The following INO80 variants were observed in gnomAD, a reference collection of about 807,000 sequenced individuals.
The protein encoded by INO80 is chromatin-remodeling ATPase INO80.
In INO80, 20 loss-of-function variants were observed where a neutral mutation model predicts 203.4. The ratio of observed to expected loss-of-function variants is 0.10; its 90% CI spans 0.07 to 0.14. The LOEUF (loss-of-function observed/expected upper bound fraction) is 0.14, where lower values mean the gene tolerates loss of function less well. INO80 is among the 10% of genes least tolerant of loss of function. The probability of loss-of-function intolerance (pLI) is 1.00; values close to 1 mark genes in which losing one functional copy is unlikely to be tolerated. For missense variants in INO80, 1,419 were observed against 1,914.4 expected, an observed-to-expected ratio of 0.74 and a Z score of 4.83; for synonymous variants, 726 against 685.2, an observed-to-expected ratio of 1.06 and a Z score of -0.93.
At chr15:40,998,267 C>A (rs376077525) in intron 28 of INO80, among the ~76,000 whole-genome samples, 3 of 151,920 alleles carry the variant, frequency 2.0e-5, no homozygotes, top group African/African-American at 7.3e-5. Flanking sequence ...GTGATCCGCC[C>A]GCCTCGGCCT....
rs565393591 is a variant in INO80, at chr15:41,017,053, G to A, written c.3275-838C>T. 61 of 151,892 alleles carry A rather than the reference G, an allele frequency of 4.0e-4. 1 individual carries two copies. In the South Asian group the frequency reaches 0.012, roughly 30 times the overall value. 9.4% of individuals were successfully genotyped at this position (151,892 alleles called of 1,614,324 possible). ...ACTGCAAATAGGTTGACTGGTAAAT[G>A]TCGTTAACCCTAGTTGTATGTTAAT... On this transcript the variant is annotated intron_variant, in intron 26 of 35. Transcript: ENST00000648947.
chr15:41,092,340 A>G (rs1343938781), intron 4 of INO80, among the ~76,000 whole-genome samples, 158 bp from the exon 5 acceptor site: 1 of 152,284 alleles, frequency 6.6e-6, no homozygotes, highest in Admixed American at 6.5e-5. Context: ...ACTGAAAAAC[A>G]TTAAGAATAC....
intron 27 of INO80, among the ~76,000 whole-genome samples, chr15:41,012,147 C>G (rs2044141307): frequency 6.6e-6 from 1 of 152,206 alleles, no homozygotes; most frequent in Non-Finnish European, 1.5e-5. Context: ...TACTAGAATA[C>G]AGAGAAGAGT....
chr15:41,056,510 A>G, intron 17 of INO80, 112 bp downstream of exon 17: 4 of 793,996 alleles, frequency 5.0e-6, no homozygotes, highest in South Asian at 3.9e-5. Context: ...TGTGGGGACT[A>G]TAATTTATAC....
intron 16 of INO80, among the ~76,000 whole-genome samples, chr15:41,058,237 A>T (rs1230358409): frequency 1.3e-5 from 2 of 152,178 alleles, no homozygotes; most frequent in Non-Finnish European, 2.9e-5. Context: ...TTGAACAGGG[A>T]GATAAAAGTT....
intron 1 of INO80, among the ~76,000 whole-genome samples, chr15:41,101,610 C>T (rs1052272015): frequency 6.7e-6 from 1 of 149,866 alleles, no homozygotes; most frequent in Non-Finnish European, 1.5e-5. Flanking sequence ...AGTGCAGTGG[C>T]GAGATCTCTG....
intron 27 of INO80, 98 bp downstream of exon 27, chr15:41,015,990 G>A: frequency 1.1e-6 from 1 of 895,292 alleles, no homozygotes; most frequent in Non-Finnish European, 1.7e-6. Flanking sequence ...AGGGAGTTTT[G>A]GGGCTCCCAT....
At chr15:41,002,522 AC>A (rs2043972144) in intron 28 of INO80, among the ~76,000 whole-genome samples, 2 of 152,232 alleles carry the variant, frequency 1.3e-5, no homozygotes, top group Non-Finnish European at 2.9e-5. Flanking sequence ...CAGGAGAACG[AC>A]TGCGGCTCTA....
At chr15:41,096,000 C>A in intron 2 of INO80, 72 bp from the exon 3 acceptor site, 1 of 1,469,674 alleles carries the variant, frequency 6.8e-7, no homozygotes, top group Non-Finnish European at 9.2e-7. Flanking sequence ...GAACTGGACA[C>A]TTTACAGAAG....
At chr15:41,015,034 TAA>T (rs2044183089) in intron 27 of INO80, among the ~76,000 whole-genome samples, 1 of 152,248 alleles carries the variant, frequency 6.6e-6, no homozygotes, top group African/African-American at 2.4e-5. Context: ...TTTATTTATA[TAA>T]AGACTTATTG....
intron 27 of INO80, among the ~76,000 whole-genome samples, chr15:41,006,870 A>G (rs3101435): frequency 0.88 from 134,664 of 152,234 alleles, 61,689 homozygotes; most frequent in East Asian, 1. Flanking sequence ...AATCAAAGAG[A>G]AGCATAAAAT....
intron 28 of INO80, chr15:41,004,631 C>A (rs2140437469): frequency 6.6e-6 from 1 of 152,246 alleles, no homozygotes; most frequent in East Asian, 1.9e-4. Context: ...CTACCTATTA[C>A]AATGAGAAGC....
intron 22 of INO80, 65 bp downstream of exon 22, chr15:41,048,147 G>T: frequency 1.6e-6 from 2 of 1,254,324 alleles, no homozygotes; most frequent in Non-Finnish European, 2.3e-6. Flanking sequence ...CAGTCTCTCA[G>T]CAAAACAAAG....
At chr15:41,079,626 T>A in intron 9 of INO80, 75 bp downstream of exon 9, 1 of 1,301,804 alleles carries the variant, frequency 7.7e-7, no homozygotes, top group Non-Finnish European at 1.1e-6. Flanking sequence ...AGATGTACAA[T>A]TTTCAAAATG....
intron 9 of INO80, among the ~76,000 whole-genome samples, chr15:41,076,678 G>A (rs544901750): frequency 9.9e-5 from 15 of 152,128 alleles, no homozygotes; most frequent in African/African-American, 3.6e-4. Flanking sequence ...AGAGATTGAT[G>A]CTGCACTGAG....
chr15:41,088,609 A>G (rs2045593749), intron 5 of INO80, among the ~76,000 whole-genome samples: 1 of 152,154 alleles, frequency 6.6e-6, no homozygotes, highest in African/African-American at 2.4e-5. Context: ...AATGCTTCCA[A>G]ATATTTCACT....
chr15:40,997,978 TAATA>T (rs1316370720), intron 28 of INO80, among the ~76,000 whole-genome samples: 4 of 151,128 alleles, frequency 2.6e-5, no homozygotes, highest in African/African-American at 9.7e-5. Flanking sequence ...TCATGACTTA[TAATA>T]GTCTGGGGAC....
chr15:41,072,893 G>A (rs1248049741), intron 11 of INO80, among the ~76,000 whole-genome samples: 1 of 151,406 alleles, frequency 6.6e-6, no homozygotes, highest in Non-Finnish European at 1.5e-5. Context: ...TCATTCTCCT[G>A]CCTCAGCCTC....
At chr15:40,995,384 G>A (rs182104468) in intron 29 of INO80, among the ~76,000 whole-genome samples, 91 of 152,246 alleles carry the variant, frequency 6.0e-4, no homozygotes, top group Middle Eastern at 6.8e-3. Flanking sequence ...AGTGTGATAT[G>A]GCATGGTGTG....
Sources: allele counts gnomAD v4.1 joint callset (sites outside exome capture counted in the v4.1 genomes callset), GRCh38; gene constraint gnomAD v4.1.1; transcripts MANE v1.5; gene names NCBI Gene and HGNC (gene_info 2026-07-23, HGNC 2026-07-21).